The following CAMSAP2 variants were observed in gnomAD, a reference collection of about 807,000 sequenced individuals.
CAMSAP2 encodes calmodulin-regulated spectrin-associated protein 2.
CAMSAP2 carries 26 observed loss-of-function variants against 146.1 expected under a neutral mutation model. That is an observed-to-expected ratio of 0.18 (90% CI 0.13 to 0.25). The LOEUF is 0.25. Ranked by LOEUF, CAMSAP2 falls within the 10% of genes least tolerant of loss-of-function variation. The pLI, the probability that CAMSAP2 is intolerant of heterozygous loss-of-function variation, is 1.00. For missense variants in CAMSAP2, 1,381 were observed against 1,759.3 expected (o/e 0.78, Z 3.85); for synonymous variants, 499 against 596.6 (o/e 0.84, Z 2.38).
chr1:200,821,498 A>G lies in CAMSAP2; in HGVS notation c.645+5854A>G, dbSNP rs578084844. 3.4e-5 allele frequency among the ~76,000 whole-genome samples: 5 copies of G among 149,046 alleles called. No homozygotes were observed. In the East Asian group the frequency reaches 1.0e-3, roughly 30 times the overall value. On this transcript the variant is annotated intron_variant, in intron 4 of 16. Transcript: ENST00000358823. ...GTGTAGTCTTCTGTGGTCAATGCTA[A>G]TTCATTTCTTCTTCTTCTTTTTTTT...
chr1:200,814,305 T>C (rs964636435), intron 3 of CAMSAP2, among the ~76,000 whole-genome samples: 2 of 151,994 alleles, frequency 1.3e-5, no homozygotes, highest in Non-Finnish European at 2.9e-5. Context: ...CACAATGTAT[T>C]ACCATGATAG....
At chr1:200,829,857 G>A (rs1177636137) in intron 4 of CAMSAP2, among the ~76,000 whole-genome samples, 3 of 152,114 alleles carry the variant, frequency 2.0e-5, no homozygotes, top group African/African-American at 7.2e-5. Flanking sequence ...AGACCAGGAG[G>A]TCGAGGCTGC....
chr1:200,794,674 A>G (rs1237792674), intron 2 of CAMSAP2, among the ~76,000 whole-genome samples: 1 of 152,226 alleles, frequency 6.6e-6, no homozygotes, highest in Non-Finnish European at 1.5e-5. Context: ...GCTAGGGTCA[A>G]GTTGTATTGC....
chr1:200,836,292 G>C (rs114724814), intron 6 of CAMSAP2, among the ~76,000 whole-genome samples: 1 of 152,048 alleles, frequency 6.6e-6, no homozygotes, highest in African/African-American at 2.4e-5. Flanking sequence ...TGCAGTTTCT[G>C]TTGTTCTCTT....
At chr1:200,817,250 A>ACACACATATG (rs1553288874) in intron 4 of CAMSAP2, among the ~76,000 whole-genome samples, 1 of 10,586 alleles carries the variant, frequency 9.4e-5, no homozygotes, top group African/African-American at 3.8e-4. Flanking sequence ...ATACACACAT[A>ACACACATATG]TGTGTGTGTA....
chr1:200,812,036 G>A (rs1317167515), intron 3 of CAMSAP2, among the ~76,000 whole-genome samples: 1 of 152,096 alleles, frequency 6.6e-6, no homozygotes, highest in Non-Finnish European at 1.5e-5. Context: ...TTATCTAAAT[G>A]AAGTGCCTCT....
At chr1:200,778,846 T>C (rs1665353632) in intron 2 of CAMSAP2, among the ~76,000 whole-genome samples, 1 of 152,246 alleles carries the variant, frequency 6.6e-6, no homozygotes, top group Non-Finnish European at 1.5e-5. Context: ...TTTGGAATTT[T>C]ATTGGGTTGG....
chr1:200,806,029 T>G, intron 2 of CAMSAP2, among the ~76,000 whole-genome samples: 1 of 152,204 alleles, frequency 6.6e-6, no homozygotes, highest in East Asian at 1.9e-4. Context: ...TTCTATATTT[T>G]GGGGTTGGAG....
At chr1:200,770,518 A>C (rs1457036091) in intron 2 of CAMSAP2, among the ~76,000 whole-genome samples, 1 of 150,516 alleles carries the variant, frequency 6.6e-6, no homozygotes, top group Non-Finnish European at 1.5e-5. Context: ...GGTTCATGCC[A>C]TTCTCTTGCC....
In CAMSAP2 at chr1:200,832,555, G is replaced by C. The variant is rs914302703; in HGVS notation, c.788-151G>C. On this transcript the variant is annotated intron_variant, in intron 5 of 16. Coordinates refer to ENST00000358823, the MANE Select transcript of CAMSAP2 (RefSeq NM_203459.4). This position sits in a 1 kb window ranked among gnomAD's most constrained non-coding sequence, Gnocchi z 4.2. ...GTAGTTCAAAAAAAAATAGTGCTCG[G>C]TTTCTAAGTCTTAATGTATAATGAC... is the stretch of plus-strand genomic sequence containing the variant. 14 of 742,218 alleles carry C rather than the reference G, an allele frequency of 1.9e-5. No individual in the cohort carries two copies. The Admixed American group carries it at 3.0e-4, about 16-fold the overall frequency. The allele number at this position is 742,218 out of a possible 1,614,324, so 46.0% of individuals were successfully genotyped here. A position where few individuals can be genotyped will look rare whatever the true frequency, so the allele number is the denominator to read the frequency against.
chr1:200,858,090 A>T lies in CAMSAP2; in HGVS notation c.*31A>T. ...GGGAAATACTTGCTTCAGAACATTC[A>T]TGGTAAATTTGCACTTCATCTTTCC... On this transcript the variant is annotated 3_prime_UTR_variant, in exon 17 of 17. Coordinates refer to ENST00000358823, the MANE Select transcript of CAMSAP2 (RefSeq NM_203459.4). The T allele has an allele frequency of 2.0e-6, 3 of 1,513,810 alleles. No individual in the cohort carries two copies. Among genetic ancestry groups the T allele is most frequent in the Non-Finnish European group, 1.8e-6 (2 of 1,132,190 alleles). The allele number at this position is 1,513,810 out of a possible 1,614,324, so 93.8% of individuals were successfully genotyped here.
chr1:200,779,198 C>G lies in CAMSAP2; in HGVS notation c.399+18100C>G, dbSNP rs76949750. 2.3e-3 allele frequency among the ~76,000 whole-genome samples: 355 copies of G among 152,254 alleles called. 3 individuals carry two copies. Among genetic ancestry groups the G allele is most frequent in the African/African-American group, 8.3e-3 (344 of 41,546 alleles). On this transcript the variant is annotated intron_variant, in intron 2 of 16. Transcript: ENST00000358823. Reference sequence around the variant, plus strand: ...ATATTCTGTGGTATGAAAAGTACCACAATTTATTTGCCCCAATCCCTTGTT... The same window carrying G: ...ATATTCTGTGGTATGAAAAGTACCAGAATTTATTTGCCCCAATCCCTTGTT...
At chr1:200,742,217 C>T (rs1253028003) in intron 1 of CAMSAP2, among the ~76,000 whole-genome samples, 1 of 152,102 alleles carries the variant, frequency 6.6e-6, no homozygotes, top group African/African-American at 2.4e-5. Context: ...GCAGAGTAAC[C>T]GTTTTATCTG....
At chr1:200,854,261 T>C (rs1667695042) in intron 13 of CAMSAP2, among the ~76,000 whole-genome samples, 1 of 152,160 alleles carries the variant, frequency 6.6e-6, no homozygotes, top group African/African-American at 2.4e-5. Context: ...GGATTACAGG[T>C]GTGAGTCACT....
At position 200,860,232 on chromosome 1, in the gene CAMSAP2, T is replaced by A. The variant is rs3753954; in HGVS notation, c.*2173T>A. The A allele has an allele frequency of 0.14, 21,264 of 152,644 alleles. 1,543 individuals carry two copies. Among genetic ancestry groups the A allele is most frequent in the African/African-American group, 0.19 (7,679 of 41,506 alleles). The allele number at this position is 152,644 out of a possible 1,614,324, so 9.5% of individuals were successfully genotyped here. ...TTTTTATTATGGTGCAGCTTTTTTTTAATTATGTTTTTAAAATTATACAGT... is the reference window on the plus strand; with the variant it reads ...TTTTTATTATGGTGCAGCTTTTTTTAAATTATGTTTTTAAAATTATACAGT... On this transcript the variant is annotated 3_prime_UTR_variant, in exon 17 of 17. Coordinates refer to ENST00000358823, the MANE Select transcript of CAMSAP2 (RefSeq NM_203459.4).
At chr1:200,854,013 C>T (rs1383956825) in intron 13 of CAMSAP2, among the ~76,000 whole-genome samples, 3 of 152,126 alleles carry the variant, frequency 2.0e-5, no homozygotes, top group Non-Finnish European at 4.4e-5. Flanking sequence ...GGGTCTCAGT[C>T]TGTTGCCCAG....
intron 2 of CAMSAP2, among the ~76,000 whole-genome samples, chr1:200,784,554 A>G (rs61298619): frequency 2.8e-3 from 425 of 152,336 alleles, no homozygotes; most frequent in African/African-American, 9.4e-3. Flanking sequence ...TTCTTAAATT[A>G]TTTATTGCTA....
chr1:200,810,025 A>G (rs1482144357), intron 3 of CAMSAP2, among the ~76,000 whole-genome samples: 1 of 152,206 alleles, frequency 6.6e-6, no homozygotes, highest in African/African-American at 2.4e-5. Context: ...GTCACCTCTT[A>G]AAGGTCCCAC....
intron 2 of CAMSAP2, among the ~76,000 whole-genome samples, chr1:200,796,999 A>C (rs1665902424): frequency 6.6e-6 from 1 of 151,986 alleles, no homozygotes; most frequent in Admixed American, 6.6e-5. Context: ...AAGGACATGA[A>C]CTCATCATTT....
Sources: allele counts gnomAD v4.1 joint callset (sites outside exome capture counted in the v4.1 genomes callset), GRCh38; gene constraint gnomAD v4.1.1; non-coding constraint Gnocchi (gnomAD v3.1); transcripts MANE v1.5; gene names NCBI Gene and HGNC (gene_info 2026-07-23, HGNC 2026-07-21).